CFTR: variants seen among roughly 807,000 people sequenced by gnomAD.
The protein encoded by CFTR is cystic fibrosis transmembrane conductance regulator.
CFTR carries 181 observed loss-of-function variants against 171.6 expected under a neutral mutation model. The observed-to-expected ratio is 1.05, with a 90% CI of 0.93 to 1.19. The LOEUF is 1.19. CFTR is among the 50% of genes most tolerant of loss of function. CFTR has a pLI of 0.00. For missense variants in CFTR, 1,968 were observed against 1,734.7 expected, an observed-to-expected ratio of 1.13 and a Z score of -2.39; for synonymous variants, 583 against 608.0, an observed-to-expected ratio of 0.96 and a Z score of 0.60.
intron 21 of CFTR, among the ~76,000 whole-genome samples, chr7:117,618,444 G>A (rs1348560127): frequency 6.6e-6 from 1 of 151,558 alleles, no homozygotes; most frequent in Non-Finnish European, 1.5e-5. Flanking sequence ...TCCTGCCACT[G>A]CACTCCAGCC....
intron 1 of CFTR, among the ~76,000 whole-genome samples, chr7:117,498,746 G>T (rs1015690240): frequency 6.6e-6 from 1 of 151,598 alleles, no homozygotes; most frequent in Non-Finnish European, 1.5e-5. Context: ...CTGTGCTCTA[G>T]AAGTTTGGGA....
chr7:117,504,004 A>T (rs1798372935), intron 1 of CFTR, among the ~76,000 whole-genome samples: 2 of 152,264 alleles, frequency 1.3e-5, no homozygotes, highest in African/African-American at 4.8e-5. Flanking sequence ...CCCTGGGAAA[A>T]ACCATACTAT....
intron 11 of CFTR, among the ~76,000 whole-genome samples, chr7:117,585,549 G>A (rs182807449): frequency 6.6e-6 from 1 of 152,212 alleles, no homozygotes; most frequent in East Asian, 1.9e-4. Flanking sequence ...TTTTTCAAAA[G>A]CCTACAGTGA....
chr7:117,603,902 C>G (rs903762982), intron 17 of CFTR, 120 bp downstream of exon 17: 1 of 990,378 alleles, frequency 1.0e-6, no homozygotes, highest in South Asian at 1.3e-5. Context: ...TTTGTTGAAC[C>G]TCCATTTGAC....
chr7:117,647,795 T>G (rs191272686), intron 23 of CFTR, among the ~76,000 whole-genome samples: 105 of 152,024 alleles, frequency 6.9e-4, no homozygotes, highest in Non-Finnish European at 1.4e-3. Context: ...CACTGGGAAT[T>G]CAGACATGAG....
Position 117,627,526 on chromosome 7 carries a change from G to A in CFTR, c.3473G>A (p.Arg1158Gln), listed in dbSNP as rs763401376. ...ATGTTGTTATTTTTATTTCAGATGC[G>A]ATCTGTGAGCCGAGTCTTTAAGTTC... ...NSSIDVDSLM[R>Q]SVSRVFKFID... Residue 1158 changes from arginine to glutamine, a missense_variant, in exon 22 of 27, where the codon CGA becomes CAA. Transcript: ENST00000003084. 3.7e-6 allele frequency: 6 copies of A among 1,612,890 alleles called. No homozygotes were observed. The highest frequency in any genetic ancestry group is 5.1e-6 in the Non-Finnish European group (6 of 1,179,320).
Position 117,666,955 on chromosome 7 carries a change from G to A in CFTR, c.4290G>A (p.Leu1430=), listed in dbSNP as rs1442830914. The A allele has an allele frequency of 1.2e-6, 2 of 1,614,050 alleles. No homozygotes were observed. Among genetic ancestry groups the A allele is most frequent in the South Asian group, 1.1e-5 (1 of 91,076 alleles). Residue 1430 remains leucine, a synonymous_variant, in exon 27 of 27, where the codon CTG becomes CTA. Coordinates refer to ENST00000003084, the MANE Select transcript of CFTR (RefSeq NM_000492.4). ...GGCAGTACGATTCCATCCAGAAACT[G>A]CTGAACGAGAGGAGCCTCTTCCGGC... is the stretch of plus-strand genomic sequence containing the variant. ...KVRQYDSIQK[L]LNERSLFRQA... is the part of the protein sequence containing the mutation.
At chr7:117,652,736 T>C in intron 23 of CFTR, 106 bp from the exon 24 acceptor site, 1 of 640,982 alleles carries the variant, frequency 1.6e-6, no homozygotes, top group Non-Finnish European at 2.8e-6. Context: ...GTGTTTCTTA[T>C]TTTAAAATAA....
At chr7:117,535,469 C>A (rs1798938235) in intron 6 of CFTR, 58 bp downstream of exon 6, 5 of 1,517,688 alleles carry the variant, frequency 3.3e-6, no homozygotes, top group Non-Finnish European at 4.6e-6. Context: ...AAAAAGCCCA[C>A]TTTAGTAAAA....
chr7:117,523,115 C>T (rs892332667), intron 3 of CFTR, among the ~76,000 whole-genome samples: 3 of 152,154 alleles, frequency 2.0e-5, no homozygotes, highest in African/African-American at 7.2e-5. Context: ...GAAATAGCTA[C>T]TGTTGTTCAA....
intron 3 of CFTR, among the ~76,000 whole-genome samples, chr7:117,523,709 C>T (rs747176322): frequency 2.0e-5 from 3 of 152,178 alleles, no homozygotes; most frequent in Non-Finnish European, 2.9e-5. Flanking sequence ...AGGCATTCCA[C>T]TCAAATTAAT....
intron 2 of CFTR, among the ~76,000 whole-genome samples, chr7:117,508,447 A>G (rs1280373898): frequency 6.6e-6 from 1 of 152,180 alleles, no homozygotes; most frequent in East Asian, 1.9e-4. Flanking sequence ...TCTTGTTCTC[A>G]TTTTTCAAAG....
At chr7:117,559,399 T>C (rs1799415080) in intron 10 of CFTR, 65 bp from the exon 11 acceptor site, 1 of 1,004,972 alleles carries the variant, frequency 1.0e-6, no homozygotes, top group South Asian at 1.3e-5. Context: ...AGGATGATAA[T>C]TGGAGGCAAG....
intron 23 of CFTR, among the ~76,000 whole-genome samples, chr7:117,645,842 G>GT (rs1237046289): frequency 6.6e-6 from 1 of 152,074 alleles, no homozygotes; most frequent in Non-Finnish European, 1.5e-5. Context: ...TCCTAGTTAA[G>GT]AAAGCAAGGT....
At chr7:117,610,700 GT>G in intron 19 of CFTR, 31 bp downstream of exon 19, 1 of 1,610,554 alleles carries the variant, frequency 6.2e-7, no homozygotes, top group Non-Finnish European at 8.5e-7. Flanking sequence ...TACTCATCTT[GT>G]AAAAAAGCTA....
At chr7:117,488,631 A>G (rs1402267346) in intron 1 of CFTR, among the ~76,000 whole-genome samples, 1 of 152,072 alleles carries the variant, frequency 6.6e-6, no homozygotes, top group African/African-American at 2.4e-5. Flanking sequence ...TTAAAAAACA[A>G]TACTGTAATC....
intron 21 of CFTR, among the ~76,000 whole-genome samples, chr7:117,618,676 C>T (rs764596944): frequency 7.2e-5 from 11 of 152,050 alleles, no homozygotes; most frequent in African/African-American, 1.2e-4. Flanking sequence ...CATGAGTTTC[C>T]GTTCAGTATC....
At position 117,666,978 on chromosome 7, in the gene CFTR, G is replaced by C. The variant is rs975983947; in HGVS notation, c.4313G>C (p.Arg1438Pro). The C allele has an allele frequency of 6.2e-7, 1 of 1,614,002 alleles. No homozygotes were observed. Among genetic ancestry groups the C allele is most frequent in the Non-Finnish European group, 8.5e-7 (1 of 1,179,970 alleles). Residue 1438 changes from arginine to proline, a missense_variant, in exon 27 of 27, where the codon CGG (arginine) becomes CCG (proline). By Grantham distance (103) the Arg-to-Pro change is moderately radical. Coordinates refer to ENST00000003084, the MANE Select transcript of CFTR (RefSeq NM_000492.4). ...QKLLNERSLF[R>P]QAISPSDRVK... ...CTGCTGAACGAGAGGAGCCTCTTCCGGCAAGCCATCAGCCCCTCCGACAGG... is the reference window on the plus strand; with the variant it reads ...CTGCTGAACGAGAGGAGCCTCTTCCCGCAAGCCATCAGCCCCTCCGACAGG...
In CFTR at chr7:117,532,006, G is replaced by A. The variant is rs187630121; in HGVS notation, c.489+892G>A. 2.0e-5 allele frequency among the ~76,000 whole-genome samples: 3 copies of A among 151,784 alleles called. No homozygotes were observed. The East Asian group carries it at 5.8e-4, about 29-fold the overall frequency. ...TAACACTTCTAAGATATACCTGCAAGGTCAATTGTGTTGTAAAACCTTGAT... is the reference window on the plus strand; with the variant it reads ...TAACACTTCTAAGATATACCTGCAAAGTCAATTGTGTTGTAAAACCTTGAT... On this transcript the variant is annotated intron_variant, in intron 4 of 26. Transcript: ENST00000003084.
Sources: allele counts gnomAD v4.1 joint callset (sites outside exome capture counted in the v4.1 genomes callset), GRCh38; gene constraint gnomAD v4.1.1; transcripts MANE v1.5; gene names NCBI Gene and HGNC (gene_info 2026-07-23, HGNC 2026-07-21).